LRP6: variants seen among roughly 807,000 people sequenced by gnomAD.
LRP6 encodes the protein low-density lipoprotein receptor-related protein 6.
Under a neutral mutation model 184.1 loss-of-function variants are expected in LRP6, and 43 were observed. The ratio of observed to expected loss-of-function variants is 0.23; its 90% CI spans 0.18 to 0.30. The LOEUF is 0.30. Ranked by LOEUF, LRP6 falls within the 10% of genes least tolerant of loss-of-function variation. The pLI is 1.00. For missense variants in LRP6, 1,571 were observed against 2,005.3 expected (o/e 0.78, Z 4.14); for synonymous variants, 719 against 684.9 (o/e 1.05, Z -0.78).
rs1237015416 is a variant in LRP6 at position 12,121,233 on chromosome 12, A to G, written c.4735T>C (p.Ser1579Pro). The change falls in exon 23 of 23, where the codon TCA (serine) becomes CCA (proline). Residue 1579 changes from serine to proline, a missense_variant. Ser to Pro is a moderately conservative substitution (Grantham distance 74, BLOSUM62 -1). Transcript: ENST00000261349. ...CAGCTTTCATAGTTCTCCTCTGCTG[A>G]CAAGTATTGGCTTCGGGGTGTGGGA... ...PPPTPRSQYL[S>P]AEENYESCPP... is the part of the protein sequence containing the mutation. 2 of 1,614,126 alleles carry G rather than the reference A, an allele frequency of 1.2e-6. No homozygotes were observed. Among genetic ancestry groups the G allele is most frequent in the Non-Finnish European group, 8.5e-7 (1 of 1,180,038 alleles).
intron 1 of LRP6, among the ~76,000 whole-genome samples, chr12:12,260,787 C>G (rs1451209444): frequency 1.3e-5 from 2 of 152,176 alleles, no homozygotes; most frequent in African/African-American, 4.8e-5. Context: ...TTTAACTTGG[C>G]CTGTTTAACA....
chr12:12,214,183 A>T (rs1175587876), intron 2 of LRP6, among the ~76,000 whole-genome samples: 1 of 150,902 alleles, frequency 6.6e-6, no homozygotes, highest in Non-Finnish European at 1.5e-5. Flanking sequence ...AATATGTCAT[A>T]AGTAAAAGAA....
Position 12,126,809 on chromosome 12 carries a change from C to G in LRP6, c.4194G>C (p.Leu1398Phe). 1 of 1,614,086 alleles carries G rather than the reference C, an allele frequency of 6.2e-7. No homozygotes were observed. The highest frequency in any genetic ancestry group is 1.3e-5 in the African/African-American group (1 of 75,024). The change falls in exon 20 of 23, where the codon TTG (leucine) becomes TTC (phenylalanine). Residue 1398 changes from leucine (L) to phenylalanine (F), a missense_variant. Leu to Phe is a conservative substitution (Grantham distance 22, BLOSUM62 0). This residue lies in a region of LRP6 where 763 missense variants were observed against 859.5 expected (regional missense o/e 0.89). Coordinates refer to ENST00000261349, the MANE Select transcript of LRP6 (RefSeq NM_002336.3). ...CCCCATCTCCCTTCATACGTGGACA[C>G]AACATCCTCTGGCAGATAAAGTATA... Reference protein sequence around the residue: ...GTVYFICQRMLCPRMKGDGET... With the variant: ...GTVYFICQRMFCPRMKGDGET...
At chr12:12,204,376 G>C (rs536615601) in intron 2 of LRP6, among the ~76,000 whole-genome samples, 2 of 151,900 alleles carry the variant, frequency 1.3e-5, no homozygotes, top group South Asian at 2.1e-4. Flanking sequence ...TATGATCTTG[G>C]ACTGATGAAG....
At chr12:12,122,756 C>T (rs919495885) in intron 22 of LRP6, among the ~76,000 whole-genome samples, 18 of 152,056 alleles carry the variant, frequency 1.2e-4, no homozygotes, top group Admixed American at 6.5e-4. Context: ...TGCTTGAGCC[C>T]GGGAGGTGGA....
At chr12:12,250,342 G>A (rs1374985578) in intron 1 of LRP6, among the ~76,000 whole-genome samples, 1 of 152,130 alleles carries the variant, frequency 6.6e-6, no homozygotes, top group Non-Finnish European at 1.5e-5. Flanking sequence ...TCATTTTCCT[G>A]CCTACTCCAT....
chr12:12,220,195 G>C (rs1489397680), intron 2 of LRP6, among the ~76,000 whole-genome samples: 2 of 152,010 alleles, frequency 1.3e-5, no homozygotes, highest in African/African-American at 2.4e-5. Flanking sequence ...GACTGAGGCA[G>C]GAGGATCACT....
chr12:12,176,112 C>T (rs929126894), intron 7 of LRP6, among the ~76,000 whole-genome samples: 1 of 151,600 alleles, frequency 6.6e-6, no homozygotes. Flanking sequence ...GGCTTTTGAT[C>T]TTTCCTCTAT....
chr12:12,169,528 GA>G (rs1862975352), intron 7 of LRP6, among the ~76,000 whole-genome samples: 1 of 152,096 alleles, frequency 6.6e-6, no homozygotes, highest in Non-Finnish European at 1.5e-5. Flanking sequence ...ACAATGAAAA[GA>G]AAAAGGTCTT....
rs903689069 is a variant in LRP6 at position 12,149,171 on chromosome 12, T to C, written c.2995-18A>G. 1.6e-5 allele frequency: 25 copies of C among 1,606,622 alleles called. No homozygotes were observed. The African/African-American group carries it at 2.7e-4, about 17-fold the overall frequency. On this transcript the variant is annotated intron_variant, in intron 13 of 22. Transcript: ENST00000261349. Reference sequence around the variant, plus strand: ...GTAAAGCCCTAGGGAAAAAAAGAAATACAGAGAAAATTAAACTCCAGGGGC... The same window carrying C: ...GTAAAGCCCTAGGGAAAAAAAGAAACACAGAGAAAATTAAACTCCAGGGGC...
intron 9 of LRP6, among the ~76,000 whole-genome samples, chr12:12,163,462 A>G (rs187377751): frequency 6.6e-6 from 1 of 152,358 alleles, no homozygotes; most frequent in East Asian, 1.9e-4. Flanking sequence ...GCCCAAAACA[A>G]TCTGGAAGAA....
intron 2 of LRP6, among the ~76,000 whole-genome samples, chr12:12,229,577 A>G (rs1359254867): frequency 1.3e-5 from 2 of 152,138 alleles, no homozygotes; most frequent in African/African-American, 4.8e-5. Context: ...TATTTAATCT[A>G]CCTTAGAATC....
In LRP6 at chr12:12,179,985, G is replaced by A. The variant is rs754004982; in HGVS notation, c.1374-4C>T. 8.1e-6 allele frequency: 13 copies of A among 1,611,568 alleles called. No homozygotes were observed. In the Admixed American group the frequency reaches 2.0e-4, roughly 25 times the overall value. ...CCAGTCAGTCCAATACATGTACCTA[G>A]AGAAGTATACAAAAAATGAGCTAAA... On this transcript the variant is annotated splice_region_variant and splice_polypyrimidine_tract_variant and intron_variant, in intron 6 of 22. Coordinates refer to ENST00000261349, the MANE Select transcript of LRP6 (RefSeq NM_002336.3).
intron 22 of LRP6, among the ~76,000 whole-genome samples, chr12:12,121,900 T>C (rs530635180): frequency 6.6e-6 from 1 of 152,294 alleles, no homozygotes; most frequent in South Asian, 2.1e-4. Context: ...TTCTGTACAA[T>C]TCTGTACAAT....
intron 4 of LRP6, 33 bp from the exon 5 acceptor site, chr12:12,184,144 A>G (rs1379195494): frequency 6.3e-7 from 1 of 1,591,076 alleles, no homozygotes; most frequent in East Asian, 2.2e-5. Context: ...ATTAATATCA[A>G]TGATTACTAA....
chr12:12,139,958 G>GA (rs1949906641), intron 15 of LRP6, among the ~76,000 whole-genome samples: 1 of 152,106 alleles, frequency 6.6e-6, no homozygotes, highest in Admixed American at 6.5e-5. Context: ...TTTTAGAATG[G>GA]AACAAAGGTA....
intron 2 of LRP6, among the ~76,000 whole-genome samples, chr12:12,207,726 C>T (rs1295927680): frequency 6.6e-6 from 1 of 151,966 alleles, no homozygotes; most frequent in Non-Finnish European, 1.5e-5. Flanking sequence ...GCATGTGTAA[C>T]GCTACACCAG....
intron 21 of LRP6, 71 bp downstream of exon 21, chr12:12,125,225 C>T: frequency 6.4e-7 from 1 of 1,567,658 alleles, no homozygotes; most frequent in Non-Finnish European, 8.8e-7. Context: ...TCACTGATCA[C>T]CCACATTTAA....
At chr12:12,178,165 G>T (rs1863243147) in intron 7 of LRP6, among the ~76,000 whole-genome samples, 1 of 152,084 alleles carries the variant, frequency 6.6e-6, no homozygotes, top group African/African-American at 2.4e-5. Flanking sequence ...TATATAAAGT[G>T]TATTAATTTT....
Sources: gnomAD v4.1 joint callset for allele counts (sites outside exome capture counted in the v4.1 genomes callset) on GRCh38, gnomAD v4.1.1 for gene constraint, gnomAD v4.1.1 regional missense constraint, MANE v1.5 for transcripts, NCBI Gene and HGNC (gene_info 2026-07-23, HGNC 2026-07-21) for gene names.